Variants in RAPGEF5 observed in about 807,000 individuals in gnomAD.
RAPGEF5 encodes Rap guanine nucleotide exchange factor 5.
Under a neutral mutation model 125.2 loss-of-function variants are expected in RAPGEF5, and 65 were observed. The observed-to-expected ratio is 0.52, with a 90% CI of 0.43 to 0.64. The LOEUF is 0.64. RAPGEF5 is among the 30% of genes least tolerant of loss of function. The pLI is 0.00. For synonymous variants in RAPGEF5, 391 were observed against 385.9 expected (o/e 1.01, Z -0.16); for missense variants, 958 against 1,048.1 (o/e 0.91, Z 1.19).
intron 8 of RAPGEF5, among the ~76,000 whole-genome samples, chr7:22,228,447 TTATTA>T (rs1397911156): frequency 6.6e-6 from 1 of 152,102 alleles, no homozygotes; most frequent in Non-Finnish European, 1.5e-5. Flanking sequence ...GCTCCCAGTA[TTATTA>T]CAGAAAAGGA....
chr7:22,209,627 AT>A (rs1487220206), intron 9 of RAPGEF5, among the ~76,000 whole-genome samples: 1 of 152,070 alleles, frequency 6.6e-6, no homozygotes, highest in African/African-American at 2.4e-5. Flanking sequence ...GATCCCATTT[AT>A]TTTTTGCTGG....
chr7:22,290,368 TAG>T (rs1171482104), intron 6 of RAPGEF5, among the ~76,000 whole-genome samples: 1 of 152,232 alleles, frequency 6.6e-6, no homozygotes, highest in Non-Finnish European at 1.5e-5. Context: ...ACTCAAGGCT[TAG>T]TGACCACAGT....
chr7:22,189,181 T>A (rs1052958305), intron 11 of RAPGEF5, among the ~76,000 whole-genome samples: 19 of 151,926 alleles, frequency 1.3e-4, no homozygotes, highest in African/African-American at 4.1e-4. Context: ...TGGAAACTTG[T>A]AATCATAAGT....
At chr7:22,336,711 G>A (rs1220841793) in intron 1 of RAPGEF5, among the ~76,000 whole-genome samples, 1 of 152,148 alleles carries the variant, frequency 6.6e-6, no homozygotes, top group Non-Finnish European at 1.5e-5. Context: ...CTTCCTGGGT[G>A]GAACCTGGGA....
Position 22,118,372 on chromosome 7 carries a change from T to C in RAPGEF5, c.*4034A>G, listed in dbSNP as rs1782466581. 1 of 152,578 alleles carries C rather than the reference T, an allele frequency of 6.6e-6. No individual in the cohort carries two copies. The highest frequency in any genetic ancestry group is 2.4e-5 in the African/African-American group (1 of 41,426). The allele number at this position is 152,578 out of a possible 1,614,324, so 9.5% of individuals were successfully genotyped here. On this transcript the variant is annotated 3_prime_UTR_variant, in exon 26 of 26. Coordinates refer to ENST00000665637, the MANE Select transcript of RAPGEF5 (RefSeq NM_012294.5). ...AAAAAATTGAAAATACAAGATAAGG[T>C]AAGGGTTACTTATATAAGTTTTAAC...
chr7:22,254,921 A>G (rs988655496), intron 7 of RAPGEF5, among the ~76,000 whole-genome samples: 4 of 151,968 alleles, frequency 2.6e-5, no homozygotes, highest in Admixed American at 1.3e-4. Context: ...GCTTGCTGCC[A>G]CTCACCTCCT....
intron 7 of RAPGEF5, among the ~76,000 whole-genome samples, chr7:22,266,558 C>T (rs749223124): frequency 6.6e-6 from 1 of 152,008 alleles, no homozygotes; most frequent in African/African-American, 2.4e-5. Flanking sequence ...GAAGAAACTA[C>T]TTTGAGATTT....
rs956854178 is a variant in RAPGEF5, at chr7:22,119,200, C to T, written c.*3206G>A. 3 of 152,170 alleles carry T rather than the reference C, an allele frequency of 2.0e-5. No homozygotes were observed. Among genetic ancestry groups the T allele is most frequent in the African/African-American group, 7.2e-5 (3 of 41,424 alleles). The allele number at this position is 152,170 out of a possible 1,614,324, so 9.4% of individuals were successfully genotyped here. ...TAAGAAGTCATCACTGGTACTCTCT[C>T]TTTCATGCCACGATTTCTCCTCCAC... On this transcript the variant is annotated 3_prime_UTR_variant, in exon 26 of 26. Transcript: ENST00000665637. This position sits in a 1 kb window ranked among gnomAD's most constrained non-coding sequence, Gnocchi z 4.1.
At chr7:22,234,498 CAG>C (rs1033777194) in intron 7 of RAPGEF5, among the ~76,000 whole-genome samples, 41 of 152,310 alleles carry the variant, frequency 2.7e-4, no homozygotes, top group African/African-American at 9.6e-4. Context: ...TCTCAACACA[CAG>C]AGTCTAAAAG....
chr7:22,351,873 G>A (rs1382584827), intron 1 of RAPGEF5, among the ~76,000 whole-genome samples: 2 of 152,166 alleles, frequency 1.3e-5, no homozygotes, highest in Non-Finnish European at 2.9e-5. Context: ...TTGTACAAAG[G>A]GAAAGGGATA....
At chr7:22,146,125 T>C (rs373233193) in intron 19 of RAPGEF5, among the ~76,000 whole-genome samples, 1 of 152,312 alleles carries the variant, frequency 6.6e-6, no homozygotes, top group East Asian at 1.9e-4. Flanking sequence ...CTGATCATAA[T>C]ATTGAAATCT....
intron 11 of RAPGEF5, chr7:22,192,863 C>T (rs1177390105): frequency 6.0e-6 from 1 of 166,036 alleles, no homozygotes; most frequent in African/African-American, 2.4e-5. Flanking sequence ...CACCTCGGGG[C>T]TTGTTCTGAC....
At chr7:22,293,576 A>T (rs1045773087) in intron 5 of RAPGEF5, among the ~76,000 whole-genome samples, 16 of 152,126 alleles carry the variant, frequency 1.1e-4, no homozygotes, top group African/African-American at 3.6e-4. Context: ...CACCTTTCTA[A>T]AACCCAGATC....
chr7:22,199,351 A>G (rs1785222879), intron 9 of RAPGEF5, among the ~76,000 whole-genome samples: 1 of 152,032 alleles, frequency 6.6e-6, no homozygotes, highest in Non-Finnish European at 1.5e-5. Flanking sequence ...GGAAGGCTGT[A>G]TTTGTGGGCA....
intron 1 of RAPGEF5, among the ~76,000 whole-genome samples, chr7:22,318,714 A>C (rs896174119): frequency 6.6e-6 from 1 of 152,128 alleles, no homozygotes; most frequent in African/African-American, 2.4e-5. Flanking sequence ...CATCTTCCTC[A>C]ATGCTTCCCA....
At chr7:22,208,640 T>C (rs1785446465) in intron 9 of RAPGEF5, among the ~76,000 whole-genome samples, 1 of 152,200 alleles carries the variant, frequency 6.6e-6, no homozygotes, top group Non-Finnish European at 1.5e-5. Context: ...AGGCCTGTGC[T>C]GCCCAATTCT....
At chr7:22,201,767 A>C (rs1785283279) in intron 9 of RAPGEF5, among the ~76,000 whole-genome samples, 2 of 152,192 alleles carry the variant, frequency 1.3e-5, no homozygotes, top group South Asian at 4.1e-4. Context: ...TAAAAGCTTA[A>C]ATTTTATTAA....
chr7:22,207,708 T>C (rs1436024058), intron 9 of RAPGEF5, among the ~76,000 whole-genome samples: 2 of 152,176 alleles, frequency 1.3e-5, no homozygotes, highest in Non-Finnish European at 2.9e-5. Flanking sequence ...AAAAACAAAT[T>C]CAATCAGTGA....
chr7:22,207,415 T>A (rs1407924198), intron 9 of RAPGEF5, among the ~76,000 whole-genome samples: 1 of 152,146 alleles, frequency 6.6e-6, no homozygotes, highest in East Asian at 1.9e-4. Context: ...GTAAAGCATG[T>A]CATGAAAATA....
Sources: gnomAD v4.1 joint callset for allele counts (sites outside exome capture counted in the v4.1 genomes callset) on GRCh38, gnomAD v4.1.1 for gene constraint, Gnocchi (gnomAD v3.1) non-coding constraint, MANE v1.5 for transcripts, NCBI Gene and HGNC (gene_info 2026-07-23, HGNC 2026-07-21) for gene names.